EDA: variants seen among roughly 807,000 people sequenced by gnomAD.
EDA encodes the protein ectodysplasin A.
EDA carries 2 observed loss-of-function variants against 23.6 expected under a neutral mutation model. That is an observed-to-expected ratio of 0.08 (90% CI 0.03 to 0.27). The LOEUF (loss-of-function observed/expected upper bound fraction) is 0.27. EDA is among the 10% of genes least tolerant of loss of function. EDA has a pLI of 1.00. For synonymous variants in EDA, 131 were observed against 132.0 expected (o/e 0.99, Z 0.05); for missense variants, 229 against 324.2 (o/e 0.71, Z 2.26).
At chrX:69,730,408 C>A (rs2147356168) in intron 1 of EDA, among the ~76,000 whole-genome samples, 1 of 111,871 alleles carries the variant, frequency 8.9e-6, no homozygotes, top group Non-Finnish European at 1.9e-5. Context: ...ATTATATACA[C>A]AAGCAGTGTC....
chrX:69,827,919 G>T (rs2016497211), intron 1 of EDA, among the ~76,000 whole-genome samples: 3 of 111,496 alleles, frequency 2.7e-5, no homozygotes, highest in Non-Finnish European at 5.6e-5. Flanking sequence ...CCTTCTAACA[G>T]ACAGGACCCT....
intron 1 of EDA, among the ~76,000 whole-genome samples, chrX:69,834,824 T>C (rs932343251): frequency 1.8e-5 from 2 of 111,801 alleles, no homozygotes; most frequent in Admixed American, 1.9e-4. Context: ...GTCTTTACAA[T>C]TTGGCATGTT....
Position 69,670,467 on chromosome X carries a change from C to A in EDA, c.396+53763C>A, listed in dbSNP as rs777014876. On this transcript the variant is annotated intron_variant, in intron 1 of 7. Coordinates refer to ENST00000374552, the MANE Select transcript of EDA (RefSeq NM_001399.5). The stretch of plus-strand genomic sequence containing the variant: ...CTCCCAAGACTTCGGAAGTTGTCAG[C>A]AATTGTTTCATTAAATAATATTTCT... Among the ~76,000 whole-genome samples, 8 of 110,797 alleles carry A rather than the reference C, an allele frequency of 7.2e-5. No homozygotes were observed. In the South Asian group the frequency reaches 3.1e-3, roughly 42 times the overall value.
At chrX:69,676,796 A>G (rs1377419398) in intron 1 of EDA, among the ~76,000 whole-genome samples, 1 of 110,508 alleles carries the variant, frequency 9.0e-6, no homozygotes, top group African/African-American at 3.3e-5. Flanking sequence ...TATGAGCCCA[A>G]CCTATTTATT....
chrX:69,811,609 A>T (rs1477597931), intron 1 of EDA, among the ~76,000 whole-genome samples: 1 of 111,561 alleles, frequency 9.0e-6, no homozygotes, highest in Admixed American at 9.5e-5. Flanking sequence ...TCACGGTGCC[A>T]ATTTTCTTGT....
chrX:69,677,939 G>A (rs1157818721), intron 1 of EDA, among the ~76,000 whole-genome samples: 1 of 111,573 alleles, frequency 9.0e-6, no homozygotes, highest in East Asian at 2.8e-4. Context: ...TTCTTCTAGG[G>A]TTTTTATGGT....
chrX:70,020,335 A>G (rs1184667697), intron 2 of EDA, among the ~76,000 whole-genome samples: 4 of 111,519 alleles, frequency 3.6e-5, no homozygotes, highest in Non-Finnish European at 7.5e-5. Context: ...AGGCAGGCGG[A>G]TCACGAGGTC....
intron 1 of EDA, among the ~76,000 whole-genome samples, chrX:69,901,690 A>G (rs957367427): frequency 5.4e-5 from 6 of 111,756 alleles, no homozygotes; most frequent in Non-Finnish European, 9.4e-5. Context: ...AAGAACATTT[A>G]AAGGGGTAAT....
chrX:69,824,908 A>T (rs2016365685), intron 1 of EDA, among the ~76,000 whole-genome samples: 1 of 78,595 alleles, frequency 1.3e-5, no homozygotes, highest in Non-Finnish European at 2.3e-5. Context: ...TTTAGCATGA[A>T]GGTTGTTGAA....
chrX:69,804,436 AC>A (rs11358776), intron 1 of EDA, among the ~76,000 whole-genome samples: 25,652 of 110,370 alleles, frequency 0.23, 2,343 homozygotes, highest in African/African-American at 0.31. Flanking sequence ...CTGAGGTTAT[AC>A]TTTAATCATT....
At chrX:69,840,150 A>G (rs2016864579) in intron 1 of EDA, among the ~76,000 whole-genome samples, 2 of 109,904 alleles carry the variant, frequency 1.8e-5, no homozygotes, top group African/African-American at 3.3e-5. Context: ...AAACTCACCA[A>G]GCTTTTTTCT....
At chrX:69,691,449 A>G (rs1934708913) in intron 1 of EDA, among the ~76,000 whole-genome samples, 1 of 111,737 alleles carries the variant, frequency 8.9e-6, no homozygotes, top group South Asian at 3.7e-4. Flanking sequence ...CTGAAAAAAT[A>G]TTTTTGTGCT....
chrX:70,018,601 A>G (rs1182832845), intron 2 of EDA, among the ~76,000 whole-genome samples: 2 of 112,330 alleles, frequency 1.8e-5, no homozygotes, highest in Admixed American at 1.9e-4. Context: ...TTACTATTCA[A>G]TAAATGGTGC....
intron 1 of EDA, among the ~76,000 whole-genome samples, chrX:69,774,397 T>C (rs1175056541): frequency 5.4e-5 from 6 of 111,646 alleles, no homozygotes; most frequent in Non-Finnish European, 1.1e-4. Flanking sequence ...GAAAGTCTGC[T>C]AATCTCTACT....
chrX:69,967,762 G>A (rs182686265), intron 2 of EDA, among the ~76,000 whole-genome samples: 1 of 111,998 alleles, frequency 8.9e-6, no homozygotes, highest in Non-Finnish European at 1.9e-5. Flanking sequence ...CTTTGTATTG[G>A]CCTCATTCTT....
At chrX:69,784,835 A>T in intron 1 of EDA, among the ~76,000 whole-genome samples, 1 of 109,848 alleles carries the variant, frequency 9.1e-6, no homozygotes, top group East Asian at 2.9e-4. Context: ...GAAGAAAGTC[A>T]TTGGTAGCTT....
intron 1 of EDA, among the ~76,000 whole-genome samples, chrX:69,841,115 C>T (rs779162004): frequency 3.6e-5 from 4 of 111,984 alleles, no homozygotes; most frequent in South Asian, 7.5e-4. Flanking sequence ...TGTGTATATG[C>T]GCTCAGCTGT....
At chrX:69,727,250 C>T (rs1167246810) in intron 1 of EDA, among the ~76,000 whole-genome samples, 2 of 111,627 alleles carry the variant, frequency 1.8e-5, no homozygotes, top group African/African-American at 6.5e-5. Context: ...GCTCGTGGAG[C>T]CTGAGGTTTG....
intron 1 of EDA, among the ~76,000 whole-genome samples, chrX:69,927,671 T>C (rs1237010547): frequency 9.0e-6 from 1 of 111,223 alleles, no homozygotes; most frequent in Non-Finnish European, 1.9e-5. Context: ...GTGCCCTCTG[T>C]ATTTCCTGAA....
Sources: gnomAD v4.1 joint callset for allele counts (sites outside exome capture counted in the v4.1 genomes callset) on GRCh38, gnomAD v4.1.1 for gene constraint, MANE v1.5 for transcripts, NCBI Gene and HGNC (gene_info 2026-07-23, HGNC 2026-07-21) for gene names.